The following CDH18 variants were observed in gnomAD, a reference collection of about 807,000 sequenced individuals.
The protein encoded by CDH18 is cadherin-18.
A neutral mutation model predicts 67.9 loss-of-function variants in CDH18; 31 were observed. The ratio of observed to expected loss-of-function variants is 0.46; its 90% CI spans 0.34 to 0.62. The LOEUF (loss-of-function observed/expected upper bound fraction) is 0.62. CDH18 is among the 20% of genes least tolerant of loss of function. CDH18 has a pLI of 0.01. For missense variants in CDH18, 890 were observed against 975.5 expected (o/e 0.91, Z 1.17); for synonymous variants, 362 against 347.2 (o/e 1.04, Z -0.48).
intron 1 of CDH18, among the ~76,000 whole-genome samples, chr5:20,412,631 A>G (rs1342654538): frequency 6.6e-6 from 1 of 152,184 alleles, no homozygotes; most frequent in African/African-American, 2.4e-5. Flanking sequence ...ATCTAGAAGG[A>G]ACTAAAACAA....
At chr5:20,276,461 A>G (rs531506783) in intron 1 of CDH18, among the ~76,000 whole-genome samples, 22 of 152,186 alleles carry the variant, frequency 1.4e-4, no homozygotes, top group Non-Finnish European at 4.4e-5. Flanking sequence ...ACTGTCTTGA[A>G]GGCAAAGAAC....
chr5:19,833,100 A>G (rs1046482518), intron 3 of CDH18, among the ~76,000 whole-genome samples: 1 of 152,112 alleles, frequency 6.6e-6, no homozygotes, highest in Admixed American at 6.6e-5. Context: ...CATTGAATCT[A>G]CAAATTACTT....
chr5:19,918,299 A>G (rs959505589), intron 2 of CDH18, among the ~76,000 whole-genome samples: 3 of 152,212 alleles, frequency 2.0e-5, no homozygotes, highest in African/African-American at 7.2e-5. Flanking sequence ...ATGTGAACAC[A>G]CATTTATCTT....
At chr5:19,909,896 C>T (rs948153556) in intron 2 of CDH18, among the ~76,000 whole-genome samples, 2 of 152,038 alleles carry the variant, frequency 1.3e-5, no homozygotes, top group African/African-American at 2.4e-5. Context: ...TGAGTAATTA[C>T]TACACTTTTA....
chr5:20,148,334 T>C (rs1750829591), intron 2 of CDH18, among the ~76,000 whole-genome samples: 1 of 152,122 alleles, frequency 6.6e-6, no homozygotes, highest in African/African-American at 2.4e-5. Context: ...CCTGACCTCG[T>C]GATCCGCCCG....
At chr5:20,477,578 G>A (rs1170425010) in intron 1 of CDH18, among the ~76,000 whole-genome samples, 2 of 152,302 alleles carry the variant, frequency 1.3e-5, no homozygotes, top group Non-Finnish European at 2.9e-5. Context: ...CATGGAGGGA[G>A]CATTTAGACT....
At chr5:19,687,509 G>A (rs1761274218) in intron 5 of CDH18, among the ~76,000 whole-genome samples, 1 of 152,162 alleles carries the variant, frequency 6.6e-6, no homozygotes, top group Admixed American at 6.5e-5. Flanking sequence ...AATGGGCCAT[G>A]CAGCAAACTT....
Position 20,441,066 on chromosome 5 carries a change from T to C in CDH18, c.-580+134396A>G, listed in dbSNP as rs1749568282. On this transcript the variant is annotated intron_variant, in intron 1 of 14. Coordinates refer to the CDH18 transcript ENST00000507958. ...ATAAGATTTCACCATGCCGAGCTTA[T>C]GAGTCTGGATAATGGGAATCCTCTC... 2.0e-5 allele frequency among the ~76,000 whole-genome samples: 3 copies of C among 151,888 alleles called. No homozygotes were observed. The South Asian group carries it at 6.2e-4, about 31-fold the overall frequency.
intron 1 of CDH18, among the ~76,000 whole-genome samples, chr5:20,436,513 C>A (rs1446707277): frequency 2.0e-5 from 3 of 151,786 alleles, no homozygotes; most frequent in Non-Finnish European, 4.4e-5. Flanking sequence ...AGTAACAGGA[C>A]ACGTGGTAGC....
intron 8 of CDH18, among the ~76,000 whole-genome samples, chr5:19,550,059 A>G (rs887612033): frequency 1.3e-5 from 2 of 152,104 alleles, no homozygotes; most frequent in African/African-American, 2.4e-5. Context: ...AAAGATCTTA[A>G]ATCTGGTTTG....
chr5:20,398,150 C>A (rs932758950), intron 1 of CDH18, among the ~76,000 whole-genome samples: 4 of 152,060 alleles, frequency 2.6e-5, no homozygotes, highest in African/African-American at 9.7e-5. Flanking sequence ...AAATAAAATA[C>A]ACTCCTAAAT....
At chr5:19,508,059 A>C (rs1456511115) in intron 10 of CDH18, among the ~76,000 whole-genome samples, 1 of 151,704 alleles carries the variant, frequency 6.6e-6, no homozygotes. Context: ...TATTTCTGAA[A>C]AAAAAAAAAG....
At chr5:19,873,377 C>A (rs962291266) in intron 2 of CDH18, among the ~76,000 whole-genome samples, 1 of 152,034 alleles carries the variant, frequency 6.6e-6, no homozygotes, top group Non-Finnish European at 1.5e-5. Context: ...GCACTATCAT[C>A]TGAAGAAAAA....
intron 1 of CDH18, among the ~76,000 whole-genome samples, chr5:20,520,982 C>T (rs1755708208): frequency 6.6e-6 from 1 of 152,148 alleles, no homozygotes; most frequent in Admixed American, 6.6e-5. Flanking sequence ...TCTAGCATAA[C>T]CTCTCACCAA....
intron 1 of CDH18, among the ~76,000 whole-genome samples, chr5:20,275,304 G>A (rs1034642106): frequency 1.4e-4 from 22 of 151,974 alleles, no homozygotes; most frequent in African/African-American, 3.4e-4. Flanking sequence ...CCTTAAAAGC[G>A]TGTGGCACTT....
intron 2 of CDH18, among the ~76,000 whole-genome samples, chr5:20,165,282 A>G (rs1736199372): frequency 6.6e-6 from 1 of 151,964 alleles, no homozygotes; most frequent in Admixed American, 6.6e-5. Flanking sequence ...ATATATGTTG[A>G]TTGTTAATTA....
At chr5:19,638,507 A>C (rs971003094) in intron 5 of CDH18, among the ~76,000 whole-genome samples, 1 of 151,996 alleles carries the variant, frequency 6.6e-6, no homozygotes. Context: ...AGTTAGATGA[A>C]GAGCAAATGT....
At chr5:19,595,678 T>C (rs115337747) in intron 6 of CDH18, among the ~76,000 whole-genome samples, 1 of 152,208 alleles carries the variant, frequency 6.6e-6, no homozygotes, top group Non-Finnish European at 1.5e-5. Context: ...TAATTTTAAA[T>C]GTGCATGTAT....
At chr5:20,524,375 A>G (rs1755919797) in intron 1 of CDH18, among the ~76,000 whole-genome samples, 1 of 152,212 alleles carries the variant, frequency 6.6e-6, no homozygotes, top group South Asian at 2.1e-4. Context: ...ATATTTTTCT[A>G]TTAAAGACAA....
Sources: allele counts gnomAD v4.1 joint callset (sites outside exome capture counted in the v4.1 genomes callset), GRCh38; gene constraint gnomAD v4.1.1; transcripts MANE v1.5; gene names NCBI Gene and HGNC (gene_info 2026-07-23, HGNC 2026-07-21).